The following PCLO variants were observed in gnomAD, a reference collection of about 807,000 sequenced individuals.
The protein encoded by PCLO is piccolo presynaptic cytomatrix protein, also known as protein piccolo.
A neutral mutation model predicts 427.5 loss-of-function variants in PCLO; 82 were observed. The observed-to-expected ratio is 0.19, with a 90% confidence interval of 0.16 to 0.23. The LOEUF is 0.23. PCLO is among the 10% of genes least tolerant of loss of function. The probability of loss-of-function intolerance (pLI) is 1.00; values close to 1 mark genes in which losing one functional copy is unlikely to be tolerated. For synonymous variants in PCLO, 2,357 were observed against 2,155.4 expected, an observed-to-expected ratio of 1.09 and a Z score of -2.59; for missense variants, 6,239 against 6,115.9, an observed-to-expected ratio of 1.02 and a Z score of -0.67.
chr7:82,872,534 G>GA lies in PCLO; in HGVS notation c.13654+6802dup, dbSNP rs748975178. 1.1e-3 allele frequency among the ~76,000 whole-genome samples: 165 copies of GA among 146,984 alleles called. 1 individual carries two copies. The highest frequency in any genetic ancestry group is 1.1e-3 in the Non-Finnish European group (76 of 66,278). On this transcript the variant is annotated intron_variant, in intron 10 of 24. Coordinates refer to ENST00000333891, the MANE Select transcript of PCLO (RefSeq NM_033026.6). ...ATGAAACACTTGGGAGAGAAATTTG[G>GA]AAAAAAAAACAAACTAGTTGAAGAA...
Position 82,942,103 on chromosome 7 carries a change from T to C in PCLO, c.11112+7373A>G, listed in dbSNP as rs145767543. On this transcript the variant is annotated intron_variant, in intron 6 of 24. Coordinates refer to ENST00000333891, the MANE Select transcript of PCLO (RefSeq NM_033026.6). The stretch of plus-strand genomic sequence containing the variant: ...CTGAGGCAAGAGAATCACTTGAACC[T>C]GGGAGGCAGAGGTTGCAATCAGCTG... Among the ~76,000 whole-genome samples, 3 of 152,278 alleles carry C rather than the reference T, an allele frequency of 2.0e-5. No homozygotes were observed. In the East Asian group the frequency reaches 5.8e-4, roughly 29 times the overall value.
chr7:82,873,186 T>C (rs1793280979), intron 10 of PCLO, among the ~76,000 whole-genome samples: 1 of 148,466 alleles, frequency 6.7e-6, no homozygotes, highest in Non-Finnish European at 1.5e-5. Context: ...TAAGTTTTTT[T>C]TTTTTTTTTT....
chr7:82,928,772 C>T (rs1437475783), intron 6 of PCLO, among the ~76,000 whole-genome samples: 4 of 152,072 alleles, frequency 2.6e-5, no homozygotes. Context: ...GTGGTGGAAA[C>T]AAGATGTAAT....
rs61024334 is a variant in PCLO at position 83,077,744 on chromosome 7, C to T, written c.3300+56506G>A. Among the ~76,000 whole-genome samples the T allele has an allele frequency of 7.0e-3, 1,057 of 152,078 alleles. 39 individuals are homozygous for T. The highest frequency in any genetic ancestry group is 0.058 in the Admixed American group (884 of 15,262). ...CCAGCTCTCATGGAATCTAATCACA[C>T]CTGAATTAATCATTTCCACAAATGG... On this transcript the variant is annotated intron_variant, in intron 3 of 24. Transcript: ENST00000333891.
chr7:82,797,797 T>C (rs1481439234), intron 22 of PCLO, among the ~76,000 whole-genome samples: 1 of 152,140 alleles, frequency 6.6e-6, no homozygotes, highest in Non-Finnish European at 1.5e-5. Flanking sequence ...GCTCACATTC[T>C]GACCCATTGA....
At position 82,952,583 on chromosome 7, in the gene PCLO, C is replaced by T. The variant is rs760170622; in HGVS notation, c.8370G>A (p.Leu2790=). 1 of 1,613,864 alleles carries T rather than the reference C, an allele frequency of 6.2e-7. No individual in the cohort carries two copies. Among genetic ancestry groups the T allele is most frequent in the South Asian group, 1.1e-5 (1 of 91,082 alleles). ...VTSSIVTPVS[L]ATETVTFVTC... is the part of the protein sequence containing the mutation. ...TGACAAAGGTCACTGTCTCAGTGGCCAGAGATACAGGAGTCACTATTGATG... is the reference window on the plus strand; with the variant it reads ...TGACAAAGGTCACTGTCTCAGTGGCTAGAGATACAGGAGTCACTATTGATG... Residue 2790 remains leucine (L), a synonymous_variant, in exon 5 of 25, where the codon CTG becomes CTA. Transcript: ENST00000333891.
chr7:82,844,042 A>G (rs1250603051), intron 13 of PCLO, among the ~76,000 whole-genome samples: 1 of 152,134 alleles, frequency 6.6e-6, no homozygotes, highest in East Asian at 1.9e-4. Flanking sequence ...AAATAATTTA[A>G]AATTTAAAAA....
chr7:83,000,164 A>T (rs1430859006), intron 3 of PCLO, among the ~76,000 whole-genome samples: 1 of 151,544 alleles, frequency 6.6e-6, no homozygotes, highest in East Asian at 1.9e-4. Context: ...GTGGTGTGTC[A>T]GGGAAACACC....
intron 21 of PCLO, among the ~76,000 whole-genome samples, chr7:82,802,926 T>C (rs1791387405): frequency 1.3e-5 from 2 of 152,150 alleles, no homozygotes; most frequent in African/African-American, 4.8e-5. Flanking sequence ...TGTTCCATTA[T>C]AATAATTCTA....
Position 82,915,218 on chromosome 7 carries a change from C to T in PCLO, c.12768G>A (p.Met4256Ile), listed in dbSNP as rs1362193454. The T allele has an allele frequency of 1.9e-6, 3 of 1,612,784 alleles. No individual in the cohort carries two copies. In the East Asian group the frequency reaches 6.7e-5, roughly 36 times the overall value. ...RKNITDQQKF[M>I]GSSLGTGLGT... Reference sequence around the variant, plus strand: ...CCAGTCCTGTGCCAAGAGAAGATCCCATAAATTTTTGTTGGTCTGTAATAT... The same window carrying T: ...CCAGTCCTGTGCCAAGAGAAGATCCTATAAATTTTTGTTGGTCTGTAATAT... The change falls in exon 7 of 25, where the codon ATG becomes ATA. Residue 4256 changes from methionine (M) to isoleucine (I), a missense_variant. This residue lies in a region of PCLO where 680 missense variants were observed against 677.3 expected (regional missense o/e 1.00). Coordinates refer to ENST00000333891, the MANE Select transcript of PCLO (RefSeq NM_033026.6).
intron 4 of PCLO, among the ~76,000 whole-genome samples, chr7:82,960,180 A>G (rs1396768232): frequency 6.6e-6 from 1 of 152,196 alleles, no homozygotes. Context: ...ATTTATTTTG[A>G]CGGGCTAAAA....
chr7:82,958,198 TC>T (rs1795572801), intron 4 of PCLO, among the ~76,000 whole-genome samples: 1 of 152,108 alleles, frequency 6.6e-6, no homozygotes, highest in African/African-American at 2.4e-5. Flanking sequence ...CTCAATATTT[TC>T]AGTGTGTGTT....
chr7:82,874,545 G>A (rs1192888640), intron 10 of PCLO, among the ~76,000 whole-genome samples: 1 of 152,150 alleles, frequency 6.6e-6, no homozygotes, highest in East Asian at 1.9e-4. Context: ...AACATATGCA[G>A]ATAGTTATTT....
chr7:82,897,227 T>C (rs768267375), intron 9 of PCLO, among the ~76,000 whole-genome samples: 31 of 151,620 alleles, frequency 2.0e-4, no homozygotes, highest in Non-Finnish European at 4.3e-4. Context: ...TAGAGCTGAA[T>C]TTCAACACAG....
At chr7:82,823,385 C>A (rs1791844816) in intron 19 of PCLO, among the ~76,000 whole-genome samples, 1 of 152,096 alleles carries the variant, frequency 6.6e-6, no homozygotes, top group Non-Finnish European at 1.5e-5. Context: ...AACCACTTTA[C>A]AATTTGCTGG....
At chr7:82,945,799 T>A (rs2116400894) in intron 6 of PCLO, among the ~76,000 whole-genome samples, 1 of 152,268 alleles carries the variant, frequency 6.6e-6, no homozygotes, top group African/African-American at 2.4e-5. Flanking sequence ...AAGAATTGAA[T>A]TTTAAAAACG....
intron 21 of PCLO, 111 bp downstream of exon 21, chr7:82,805,577 G>T: frequency 1.0e-6 from 1 of 981,206 alleles, no homozygotes; most frequent in Non-Finnish European, 1.5e-6. Context: ...AGTGTCTCAG[G>T]GACAATGACT....
chr7:82,930,661 A>G (rs1794819798), intron 6 of PCLO, among the ~76,000 whole-genome samples: 1 of 152,306 alleles, frequency 6.6e-6, no homozygotes, highest in East Asian at 1.9e-4. Flanking sequence ...CTAAAAAATT[A>G]GAACCCTGGT....
intron 6 of PCLO, among the ~76,000 whole-genome samples, 198 bp downstream of exon 6, chr7:82,949,276 AGC>A (rs1159910909): frequency 6.7e-6 from 1 of 148,502 alleles, no homozygotes; most frequent in Non-Finnish European, 1.5e-5. Context: ...CACACACACA[AGC>A]GCACACACAC....
Sources: gnomAD v4.1 joint callset for allele counts (sites outside exome capture counted in the v4.1 genomes callset) on GRCh38, gnomAD v4.1.1 for gene constraint, gnomAD v4.1.1 regional missense constraint, MANE v1.5 for transcripts, NCBI Gene and HGNC (gene_info 2026-07-23, HGNC 2026-07-21) for gene names.